CEP63: variants seen among roughly 807,000 people sequenced by gnomAD.
CEP63 encodes the protein centrosomal protein 63.
In CEP63, 84 loss-of-function variants were observed where a neutral mutation model predicts 89.1. The observed-to-expected ratio is 0.94, with a 90% CI of 0.79 to 1.13. The LOEUF is 1.13. Ranked by LOEUF, CEP63 falls within the 50% of genes most tolerant of loss-of-function variation. CEP63 has a pLI of 0.00. For missense variants in CEP63, 838 were observed against 813.3 expected, an observed-to-expected ratio of 1.03 and a Z score of -0.37; for synonymous variants, 267 against 272.5, an observed-to-expected ratio of 0.98 and a Z score of 0.20.
chr3:134,487,870 A>C (rs1016743337), intron 1 of CEP63: 1 of 152,228 alleles, frequency 6.6e-6, no homozygotes. Flanking sequence ...GGTGATGCAC[A>C]TTTGACATCT....
chr3:134,566,495 G>T (rs1957764180), downstream of CEP63, among the ~76,000 whole-genome samples: 1 of 152,042 alleles, frequency 6.6e-6, no homozygotes, highest in East Asian at 1.9e-4. Context: ...CCATTTCCTG[G>T]GGAGAGACAT....
the CEP63 span, among the ~76,000 whole-genome samples, chr3:134,677,871 C>T: frequency 2.6e-5 from 4 of 152,094 alleles, no homozygotes; most frequent in South Asian, 2.1e-4. Context: ...CAAGTCACGC[C>T]GTGTCCCAAG....
At chr3:134,574,897 C>T (rs890530561) in exon 12 of CEP63, 2 of 506,962 alleles carry the variant, frequency 3.9e-6, no homozygotes, top group Non-Finnish European at 7.1e-6. Context: ...TGTGAGCTAC[C>T]ACCACTGGCA....
upstream of CEP63, chr3:134,485,886 G>T: frequency 6.1e-6 from 4 of 653,082 alleles, no homozygotes; most frequent in Non-Finnish European, 7.6e-6. Context: ...GGGGAAGTCC[G>T]ACACTGAGCA....
At chr3:134,689,197 C>T in the CEP63 span, among the ~76,000 whole-genome samples, 33 of 152,060 alleles carry the variant, frequency 2.2e-4, no homozygotes, top group East Asian at 1.5e-3. Context: ...GCTTTCTCTT[C>T]GGCTTATGAT....
At chr3:134,608,215 C>T in the CEP63 span, 13 of 1,185,212 alleles carry the variant, frequency 1.1e-5, no homozygotes, top group African/African-American at 2.1e-4. Flanking sequence ...CCAGTAGCTT[C>T]TGTTGGGGAC....
chr3:134,564,815 A>T lies in CEP63; in HGVS notation c.*3280A>T. The T allele has an allele frequency of 1.0e-6, 1 of 985,368 alleles. No individual in the cohort carries two copies. Among genetic ancestry groups the T allele is most frequent in the African/African-American group, 1.7e-5 (1 of 57,356 alleles). The allele number at this position is 985,368 out of a possible 1,614,324, so 61.0% of individuals were successfully genotyped here. On this transcript the variant is annotated 3_prime_UTR_variant, in exon 15 of 15. Transcript: ENST00000675561. ...TCTGAAACGTTTGTACTACGTGTTG[A>T]CTAGGAGGAACAATGACAGACTCTG...
chr3:134,552,046 C>A, intron 12 of CEP63, 34 bp downstream of exon 12: 1 of 1,131,662 alleles, frequency 8.8e-7, no homozygotes, highest in Non-Finnish European at 1.3e-6. Flanking sequence ...TTTCTACTAT[C>A]CAAGCCTTCA....
chr3:134,670,450 T>G, the CEP63 span, among the ~76,000 whole-genome samples: 1 of 152,132 alleles, frequency 6.6e-6, no homozygotes, highest in African/African-American at 2.4e-5. Context: ...AGAGTGGGGA[T>G]CAATGGAGAA....
chr3:134,541,991 G>A (rs1952136996), intron 6 of CEP63, among the ~76,000 whole-genome samples: 1 of 152,090 alleles, frequency 6.6e-6, no homozygotes, highest in Non-Finnish European at 1.5e-5. Flanking sequence ...CTGTTTAGAA[G>A]GCTACTTTTT....
At chr3:134,751,177 T>G in the CEP63 span, among the ~76,000 whole-genome samples, 3 of 152,224 alleles carry the variant, frequency 2.0e-5, no homozygotes, top group Non-Finnish European at 2.9e-5. Context: ...TTCTTTCACT[T>G]AGTATAATTA....
chr3:134,718,674 C>T, the CEP63 span, among the ~76,000 whole-genome samples: 1 of 152,186 alleles, frequency 6.6e-6, no homozygotes, highest in Non-Finnish European at 1.5e-5. Flanking sequence ...GATCTATTTA[C>T]CTTATGATAA....
the CEP63 span, among the ~76,000 whole-genome samples, chr3:134,661,815 C>CT: frequency 6.6e-6 from 1 of 151,360 alleles, no homozygotes; most frequent in East Asian, 1.9e-4. Context: ...GTGCCCCCCC[C>CT]CTCAAATTCA....
chr3:134,679,329 T>G, the CEP63 span, among the ~76,000 whole-genome samples: 1 of 152,164 alleles, frequency 6.6e-6, no homozygotes, highest in Non-Finnish European at 1.5e-5. Context: ...GGACCCAGGT[T>G]CGTCCACTTC....
chr3:134,551,845 G>T (rs1275957879), intron 11 of CEP63, 81 bp from the exon 12 acceptor site: 31 of 719,496 alleles, frequency 4.3e-5, no homozygotes, highest in Non-Finnish European at 6.9e-5. Flanking sequence ...TTAGCCTAAT[G>T]AAAATTCCAT....
At chr3:134,688,042 T>C in the CEP63 span, among the ~76,000 whole-genome samples, 1 of 152,228 alleles carries the variant, frequency 6.6e-6, no homozygotes, top group African/African-American at 2.4e-5. Context: ...TACCATATGA[T>C]ATAGAAATCC....
At chr3:134,572,706 A>C (rs4560339) in intron 11 of CEP63, among the ~76,000 whole-genome samples, 149,740 of 152,286 alleles carry the variant, frequency 0.98, 73,672 homozygotes, top group East Asian at 1. Context: ...GAATGGTGTA[A>C]TGCTGAACGT....
At chr3:134,657,512 C>A in the CEP63 span, among the ~76,000 whole-genome samples, 99 of 152,212 alleles carry the variant, frequency 6.5e-4, no homozygotes, top group African/African-American at 2.2e-3. Context: ...TCTTCAAAAG[C>A]TAATTTAAAA....
the CEP63 span, among the ~76,000 whole-genome samples, chr3:134,606,585 T>G: frequency 6.6e-6 from 1 of 152,182 alleles, no homozygotes; most frequent in African/African-American, 2.4e-5. Flanking sequence ...ACTGCTGTAA[T>G]TCATCATGTG....
Sources: gnomAD v4.1 joint callset for allele counts (sites outside exome capture counted in the v4.1 genomes callset) on GRCh38, gnomAD v4.1.1 for gene constraint, MANE v1.5 for transcripts, NCBI Gene and HGNC (gene_info 2026-07-23, HGNC 2026-07-21) for gene names.